ADGB: variants seen among roughly 807,000 people sequenced by gnomAD.
ADGB encodes the protein calpain-7-like protein.
ADGB carries 172 observed loss-of-function variants against 210.5 expected under a neutral mutation model. The ratio of observed to expected loss-of-function variants is 0.82; its 90% CI spans 0.72 to 0.93. The LOEUF (loss-of-function observed/expected upper bound fraction) is 0.93, where lower values mean the gene tolerates loss of function less well. Ranked by LOEUF, ADGB falls within the 40% of genes least tolerant of loss-of-function variation. The pLI is 0.00. For missense variants in ADGB, 2,025 were observed against 1,964.8 expected, an observed-to-expected ratio of 1.03 and a Z score of -0.58; for synonymous variants, 658 against 662.7, an observed-to-expected ratio of 0.99 and a Z score of 0.11.
At chr6:146,686,150 G>T (rs902306269) in intron 10 of ADGB, among the ~76,000 whole-genome samples, 3 of 152,010 alleles carry the variant, frequency 2.0e-5, no homozygotes, top group Non-Finnish European at 4.4e-5. Flanking sequence ...GAAAATCATA[G>T]AAATTATTCC....
At chr6:146,626,687 C>G (rs1425138909) in intron 1 of ADGB, among the ~76,000 whole-genome samples, 1 of 151,466 alleles carries the variant, frequency 6.6e-6, no homozygotes, top group Non-Finnish European at 1.5e-5. Context: ...CCTTTAACTG[C>G]TTTTAAAATT....
Position 146,763,893 on chromosome 6 carries a change from CT to C in ADGB, c.3551-7del, listed in dbSNP as rs779619248. On this transcript the variant is annotated splice_polypyrimidine_tract_variant and splice_region_variant and intron_variant, in intron 27 of 35. Coordinates refer to ENST00000397944, the MANE Select transcript of ADGB (RefSeq NM_024694.4). ...TTTTAACTTTAACTTAGTATTTCTC[CT>C]ATTCAGCTAGCAAGCACATTCTTTC... is the stretch of plus-strand genomic sequence containing the variant. The C allele has an allele frequency of 7.6e-5, 117 of 1,547,096 alleles. No individual in the cohort carries two copies. The highest frequency in any genetic ancestry group is 2.4e-4 in the Admixed American group (12 of 50,494).
intron 16 of ADGB, among the ~76,000 whole-genome samples, chr6:146,719,897 A>G (rs1167294434): frequency 6.6e-6 from 1 of 152,228 alleles, no homozygotes; most frequent in Non-Finnish European, 1.5e-5. Flanking sequence ...GGATGCAAAT[A>G]AAGTGTCAAA....
intron 35 of ADGB, among the ~76,000 whole-genome samples, chr6:146,811,587 C>A (rs1213202459): frequency 2.6e-5 from 4 of 152,086 alleles, no homozygotes; most frequent in Non-Finnish European, 5.9e-5. Flanking sequence ...TATTTTTGAT[C>A]AATTACTTTC....
chr6:146,740,293 G>T (rs1041706984), intron 23 of ADGB, among the ~76,000 whole-genome samples, 166 bp from the exon 24 acceptor site: 1 of 152,078 alleles, frequency 6.6e-6, no homozygotes, highest in Non-Finnish European at 1.5e-5. Context: ...CCTTCTCTTG[G>T]CACCATGTAT....
intron 2 of ADGB, 85 bp from the exon 3 acceptor site, chr6:146,644,688 T>C: frequency 3.7e-6 from 3 of 800,680 alleles, no homozygotes; most frequent in Non-Finnish European, 5.6e-6. Context: ...TGACCAAATC[T>C]ATGCACTTAT....
At position 146,746,215 on chromosome 6, in the gene ADGB, A is replaced by G. The variant is rs1303540570; in HGVS notation, c.3365+106A>G. 5.6e-5 allele frequency: 46 copies of G among 824,680 alleles called. 2 individuals carry two copies. In the Middle Eastern group the frequency reaches 1.5e-3, roughly 27 times the overall value. 51.1% of individuals were successfully genotyped at this position (824,680 alleles called of 1,614,324 possible). ...ATCCTGAGTCGGTTTTGAATTTCAA[A>G]TTCCATATTCTTTTTGGAAACAATT... On this transcript the variant is annotated intron_variant, in intron 26 of 35. Transcript: ENST00000397944.
chr6:146,620,603 A>G (rs1051411457), intron 1 of ADGB, among the ~76,000 whole-genome samples: 5 of 151,472 alleles, frequency 3.3e-5, no homozygotes, highest in African/African-American at 1.2e-4. Flanking sequence ...CAGGTCAGTT[A>G]TTTTATTCTG....
At chr6:146,796,751 C>A (rs1018894831) in intron 33 of ADGB, among the ~76,000 whole-genome samples, 3 of 151,952 alleles carry the variant, frequency 2.0e-5, no homozygotes, top group Non-Finnish European at 4.4e-5. Context: ...GACCAGAAAC[C>A]ATAAAGATTC....
chr6:146,673,523 G>A (rs1300519454), intron 8 of ADGB, among the ~76,000 whole-genome samples: 2 of 151,830 alleles, frequency 1.3e-5, no homozygotes, highest in Non-Finnish European at 2.9e-5. Context: ...GACTTATAAT[G>A]GTGTTTACTA....
intron 30 of ADGB, among the ~76,000 whole-genome samples, chr6:146,783,596 A>G (rs1777832098): frequency 6.6e-6 from 1 of 152,210 alleles, no homozygotes; most frequent in South Asian, 2.1e-4. Flanking sequence ...GTGAAAGTCA[A>G]TTCTCACCAG....
chr6:146,656,723 C>A, intron 4 of ADGB, 48 bp from the exon 5 acceptor site: 2 of 1,326,696 alleles, frequency 1.5e-6, no homozygotes, highest in East Asian at 5.1e-5. Context: ...AATTACAGTA[C>A]CTACAACTGA....
chr6:146,757,692 TA>T (rs1777427619), intron 27 of ADGB, among the ~76,000 whole-genome samples: 1 of 151,848 alleles, frequency 6.6e-6, no homozygotes, highest in South Asian at 2.1e-4. Context: ...TATTTAAATT[TA>T]AAACTTTTAA....
intron 27 of ADGB, among the ~76,000 whole-genome samples, chr6:146,763,555 A>G (rs574334478): frequency 2.8e-4 from 42 of 152,358 alleles, no homozygotes; most frequent in African/African-American, 9.9e-4. Context: ...AAAGTCTTTT[A>G]TAAGTGTGAT....
chr6:146,781,155 GTC>G (rs369190972), intron 29 of ADGB, among the ~76,000 whole-genome samples: 35 of 117,760 alleles, frequency 3.0e-4, no homozygotes, highest in African/African-American at 1.1e-3. Context: ...GTGAAACCCC[GTC>G]TCTACTAAAA....
chr6:146,715,404 T>C lies in ADGB; in HGVS notation c.1730T>C (p.Ile577Thr). ...TSQGNTASQV[I>T]LGKGTDEQTD... ...TAGGGAAATACTGCTTCACAAGTTA[T>C]ACTTGGAAAAGGTAAATTAATAATT... The change falls in exon 14 of 36, where the codon ATA (isoleucine) becomes ACA (threonine). Residue 577 changes from isoleucine to threonine, a missense_variant. Transcript: ENST00000397944. The C allele has an allele frequency of 1.3e-6, 2 of 1,498,164 alleles. No homozygotes were observed. The highest frequency in any genetic ancestry group is 1.3e-5 in the South Asian group (1 of 76,784). 92.8% of individuals were successfully genotyped at this position (1,498,164 alleles called of 1,614,324 possible).
intron 27 of ADGB, among the ~76,000 whole-genome samples, chr6:146,757,712 T>G (rs542214125): frequency 4.6e-5 from 7 of 151,836 alleles, no homozygotes; most frequent in Non-Finnish European, 1.0e-4. Context: ...AAAATTTAAA[T>G]TTTTTACTTT....
intron 1 of ADGB, among the ~76,000 whole-genome samples, chr6:146,631,511 C>G (rs1342147794): frequency 6.6e-6 from 1 of 152,122 alleles, no homozygotes; most frequent in Non-Finnish European, 1.5e-5. Flanking sequence ...TCAATCTCTA[C>G]CTACATATAA....
intron 7 of ADGB, among the ~76,000 whole-genome samples, chr6:146,667,817 A>C (rs1775957461): frequency 6.6e-6 from 1 of 152,014 alleles, no homozygotes; most frequent in African/African-American, 2.4e-5. Flanking sequence ...CTCGTTTAAA[A>C]ATCACAGTCC....
Sources: gnomAD v4.1 joint callset for allele counts (sites outside exome capture counted in the v4.1 genomes callset) on GRCh38, gnomAD v4.1.1 for gene constraint, MANE v1.5 for transcripts, NCBI Gene and HGNC (gene_info 2026-07-23, HGNC 2026-07-21) for gene names.